The following ASCC3 variants were observed in gnomAD, a reference collection of about 807,000 sequenced individuals.
The protein encoded by ASCC3 is ASC-1 complex subunit P200.
ASCC3 carries 158 observed loss-of-function variants against 256.3 expected under a neutral mutation model. The ratio of observed to expected loss-of-function variants is 0.62; its 90% CI spans 0.54 to 0.70. The LOEUF (loss-of-function observed/expected upper bound fraction) is 0.70. Ranked by LOEUF, ASCC3 falls within the 30% of genes least tolerant of loss-of-function variation. ASCC3 has a pLI of 0.00. For missense variants in ASCC3, 2,259 were observed against 2,626.0 expected (o/e 0.86, Z 3.05); for synonymous variants, 948 against 883.4 (o/e 1.07, Z -1.30).
chr6:100,553,650 T>C (rs1769416428), intron 36 of ASCC3, among the ~76,000 whole-genome samples: 1 of 152,102 alleles, frequency 6.6e-6, no homozygotes, highest in Non-Finnish European at 1.5e-5. Flanking sequence ...ATCGACAACC[T>C]ATGATGAACT....
chr6:100,558,957 A>G (rs1769778423), intron 36 of ASCC3, among the ~76,000 whole-genome samples: 1 of 152,166 alleles, frequency 6.6e-6, no homozygotes, highest in East Asian at 1.9e-4. Flanking sequence ...TCTTCTTGAG[A>G]TATACATTGA....
In ASCC3 at chr6:100,595,168, T is replaced by C. The variant is rs373890118; in HGVS notation, c.5304-5109A>G. Among the ~76,000 whole-genome samples the C allele has an allele frequency of 1.1e-3, 171 of 152,254 alleles. 6 individuals are homozygous for C. In the South Asian group the frequency reaches 0.027, roughly 24 times the overall value. On this transcript the variant is annotated intron_variant, in intron 34 of 41. Coordinates refer to ENST00000369162, the MANE Select transcript of ASCC3 (RefSeq NM_006828.4). ...ATGGTAACTATCGTTAATAATAATG[T>C]ATTGTGTATTTTAAAATTACTAAAA...
intron 37 of ASCC3, among the ~76,000 whole-genome samples, chr6:100,529,385 T>C (rs1341255515): frequency 6.6e-6 from 1 of 152,130 alleles, no homozygotes; most frequent in Non-Finnish European, 1.5e-5. Flanking sequence ...CTTGAGAAGA[T>C]GCATAAGCAG....
chr6:100,828,449 G>A (rs1041609758), intron 4 of ASCC3, among the ~76,000 whole-genome samples: 4 of 152,140 alleles, frequency 2.6e-5, no homozygotes, highest in African/African-American at 7.2e-5. Context: ...TATTGTGTCC[G>A]GAATTGGTGG....
intron 4 of ASCC3, among the ~76,000 whole-genome samples, chr6:100,843,534 T>C (rs1772247849): frequency 6.6e-6 from 1 of 152,190 alleles, no homozygotes. Context: ...TTAATAGCTT[T>C]GCAAATAGCA....
At chr6:100,707,799 T>G (rs1778674992) in intron 13 of ASCC3, among the ~76,000 whole-genome samples, 1 of 152,130 alleles carries the variant, frequency 6.6e-6, no homozygotes, top group Admixed American at 6.6e-5. Flanking sequence ...AAAAGAAGGA[T>G]AGCTCCTTTG....
intron 10 of ASCC3, among the ~76,000 whole-genome samples, chr6:100,751,522 T>C (rs961532422): frequency 1.3e-5 from 2 of 151,814 alleles, no homozygotes; most frequent in Admixed American, 6.6e-5. Flanking sequence ...CATTTTCCTA[T>C]AGACACGTTA....
Position 100,638,781 on chromosome 6 carries a change from T to A in ASCC3, c.3942A>T (p.Gly1314=), listed in dbSNP as rs775379342. 6.2e-7 allele frequency: 1 copy of A among 1,614,128 alleles called. No individual in the cohort carries two copies. The highest frequency in any genetic ancestry group is 1.1e-5 in the South Asian group (1 of 91,084). ...TGTACAGGGCTTCATATGCTTTACATCCCAAAGCTGTGATTGGTAAAGGCT... is the reference window on the plus strand; with the variant it reads ...TGTACAGGGCTTCATATGCTTTACAACCCAAAGCTGTGATTGGTAAAGGCT... The part of the protein sequence containing the change: ...DLQPLPITAL[G]CKAYEALYNF... Residue 1314 remains glycine, a synonymous_variant, in exon 25 of 42, where the codon GGA becomes GGT. Transcript: ENST00000369162.
intron 4 of ASCC3, among the ~76,000 whole-genome samples, chr6:100,832,632 T>C (rs10485296): frequency 0.43 from 66,056 of 151,904 alleles, 15,427 homozygotes; most frequent in South Asian, 0.62. Context: ...AGGTATTCAG[T>C]GGTTGGAAGA....
At position 100,540,249 on chromosome 6, in the gene ASCC3, C is replaced by T. The variant is rs774338977; in HGVS notation, c.5689G>A (p.Ala1897Thr). Reference protein sequence around the residue: ...PHTKAHLLLQAHLSRAMLPCP... With the variant: ...PHTKAHLLLQTHLSRAMLPCP... ...GGTAGCATGGCTCGGCTGAGATGTG[C>T]CTGTAGCAGGAGATGTGCTTTGGTG... The change falls in exon 37 of 42, where the codon GCA becomes ACA. Residue 1897 changes from alanine (A) to threonine (T), a missense_variant. This residue lies in a region of ASCC3 where 1,839 missense variants were observed against 2,206.7 expected (regional missense o/e 0.83). Coordinates refer to ENST00000369162, the MANE Select transcript of ASCC3 (RefSeq NM_006828.4). 2.4e-5 allele frequency: 39 copies of T among 1,613,678 alleles called. No individual in the cohort carries two copies. In the South Asian group the frequency reaches 4.2e-4, roughly 17 times the overall value.
At chr6:100,672,040 C>T (rs759945792) in intron 14 of ASCC3, among the ~76,000 whole-genome samples, 1 of 151,992 alleles carries the variant, frequency 6.6e-6, no homozygotes. Flanking sequence ...GAATTCTTGT[C>T]TGTTCTCTTT....
intron 22 of ASCC3, among the ~76,000 whole-genome samples, chr6:100,645,161 TA>T (rs1268461186): frequency 2.0e-5 from 3 of 152,186 alleles, no homozygotes; most frequent in Non-Finnish European, 4.4e-5. Flanking sequence ...ACTGCAGATT[TA>T]TTACAGATAT....
rs564780723 is a variant in ASCC3 at position 100,801,621 on chromosome 6, C to T, written c.923-1117G>A. ...TTTATAAGGCCTAAAAAGGAAAATA[C>T]GTCTCAAAATTATGAAATAAAATAA... On this transcript the variant is annotated intron_variant, in intron 5 of 41. Transcript: ENST00000369162. 1.5e-3 allele frequency among the ~76,000 whole-genome samples: 225 copies of T among 151,736 alleles called. 1 individual carries two copies. Among genetic ancestry groups the T allele is most frequent in the Non-Finnish European group, 1.7e-3 (115 of 67,916 alleles).
chr6:100,612,943 A>T (rs1773480730), intron 30 of ASCC3, among the ~76,000 whole-genome samples: 1 of 152,064 alleles, frequency 6.6e-6, no homozygotes, highest in Admixed American at 6.6e-5. Context: ...AGTGAAATAT[A>T]AATTAAATGT....
chr6:100,840,488 C>CTTTT (rs67554743), intron 4 of ASCC3, among the ~76,000 whole-genome samples: 31 of 109,234 alleles, frequency 2.8e-4, no homozygotes, highest in East Asian at 1.3e-3. Flanking sequence ...CCACGCCAGG[C>CTTTT]TTTTTTTTTT....
chr6:100,735,952 A>G (rs1379643692), intron 10 of ASCC3, among the ~76,000 whole-genome samples: 1 of 152,098 alleles, frequency 6.6e-6, no homozygotes, highest in East Asian at 1.9e-4. Context: ...CCATACCCAC[A>G]TTTTCAATTT....
chr6:100,554,061 AAG>A (rs747242158), intron 36 of ASCC3, among the ~76,000 whole-genome samples: 1 of 152,168 alleles, frequency 6.6e-6, no homozygotes, highest in African/African-American at 2.4e-5. Flanking sequence ...GGTTTAGTTA[AAG>A]CTCTGGTAGT....
chr6:100,590,514 A>G (rs1403733763), intron 34 of ASCC3, among the ~76,000 whole-genome samples: 2 of 152,106 alleles, frequency 1.3e-5, no homozygotes, highest in South Asian at 2.1e-4. Context: ...GACTACACCC[A>G]TAATCTTGGC....
intron 1 of ASCC3, among the ~76,000 whole-genome samples, chr6:100,878,965 T>C (rs529385329): frequency 2.0e-4 from 30 of 152,194 alleles, no homozygotes; most frequent in Non-Finnish European, 4.1e-4. Context: ...GCCCACCACT[T>C]CTGATGCCAA....
Sources: allele counts gnomAD v4.1 joint callset (sites outside exome capture counted in the v4.1 genomes callset), GRCh38; gene constraint gnomAD v4.1.1; regional missense constraint gnomAD v4.1.1; transcripts MANE v1.5; gene names NCBI Gene and HGNC (gene_info 2026-07-23, HGNC 2026-07-21).